Variants in XKR4 observed in about 807,000 individuals in gnomAD.
XKR4 encodes the protein XK-related protein 4.
Under a neutral mutation model 53.9 loss-of-function variants are expected in XKR4, and 12 were observed. The observed-to-expected ratio is 0.22, with a 90% CI of 0.14 to 0.36. The LOEUF (loss-of-function observed/expected upper bound fraction) is 0.36, where lower values mean the gene tolerates loss of function less well. Among genes scored for constraint, XKR4 ranks in the 10% least tolerant of loss-of-function variants. The pLI, the probability that XKR4 is intolerant of heterozygous loss-of-function variation, is 1.00. For missense variants in XKR4, 799 were observed against 859.5 expected (o/e 0.93, Z 0.88); for synonymous variants, 354 against 362.4 (o/e 0.98, Z 0.26).
At chr8:55,374,866 G>C (rs1804124109) in intron 2 of XKR4, among the ~76,000 whole-genome samples, 1 of 152,208 alleles carries the variant, frequency 6.6e-6, no homozygotes, top group African/African-American at 2.4e-5. Context: ...AATAAAACTA[G>C]TGAAGTGGCC....
chr8:55,357,963 T>C, intron 2 of XKR4, 86 bp downstream of exon 2: 1 of 1,369,482 alleles, frequency 7.3e-7, no homozygotes, highest in Non-Finnish European at 1.0e-6. Context: ...CCTAATGCCC[T>C]TTGTTGACAC....
intron 2 of XKR4, among the ~76,000 whole-genome samples, chr8:55,422,033 C>G (rs1804942758): frequency 6.6e-6 from 1 of 152,136 alleles, no homozygotes; most frequent in Admixed American, 6.5e-5. Context: ...AGGCATAAAA[C>G]AAAAGAATAA....
chr8:55,192,700 T>C (rs1214214340), intron 1 of XKR4, among the ~76,000 whole-genome samples: 1 of 152,212 alleles, frequency 6.6e-6, no homozygotes, highest in African/African-American at 2.4e-5. Context: ...GTGATTCCTC[T>C]GTCCATCTTT....
intron 2 of XKR4, among the ~76,000 whole-genome samples, chr8:55,482,428 G>T (rs1171520162): frequency 6.6e-6 from 1 of 152,086 alleles, no homozygotes; most frequent in African/African-American, 2.4e-5. Context: ...GATAGCATTA[G>T]GAGATATACC....
chr8:55,257,619 T>G (rs80231950), intron 1 of XKR4, among the ~76,000 whole-genome samples: 203 of 152,340 alleles, frequency 1.3e-3, no homozygotes, highest in African/African-American at 4.6e-3. Context: ...TAAACTTTTA[T>G]GCAAATATAT....
chr8:55,349,095 T>C (rs1803691571), intron 1 of XKR4, among the ~76,000 whole-genome samples: 1 of 152,242 alleles, frequency 6.6e-6, no homozygotes, highest in Non-Finnish European at 1.5e-5. Context: ...TACTGACATC[T>C]AATATTTACT....
intron 2 of XKR4, among the ~76,000 whole-genome samples, chr8:55,361,663 C>T (rs567618753): frequency 6.6e-6 from 1 of 152,080 alleles, no homozygotes; most frequent in African/African-American, 2.4e-5. Context: ...CTTCAGTGTT[C>T]CCCTTGGCAC....
chr8:55,398,557 A>G (rs1021723606), intron 2 of XKR4, among the ~76,000 whole-genome samples: 2 of 152,164 alleles, frequency 1.3e-5, no homozygotes, highest in African/African-American at 4.8e-5. Context: ...ACGGTGGAGG[A>G]GGGCGTGTTC....
chr8:55,158,873 G>A (rs1006545262), intron 1 of XKR4, among the ~76,000 whole-genome samples: 2 of 152,164 alleles, frequency 1.3e-5, no homozygotes, highest in Admixed American at 1.3e-4. Flanking sequence ...TGCTGTTTTG[G>A]TTACTGTAGC....
At chr8:55,423,571 C>G (rs1804968944) in intron 2 of XKR4, among the ~76,000 whole-genome samples, 1 of 152,190 alleles carries the variant, frequency 6.6e-6, no homozygotes, top group Admixed American at 6.5e-5. Flanking sequence ...ACATCACTTT[C>G]TTTGGGAAGC....
At chr8:55,466,524 T>TC (rs1563358606) in intron 2 of XKR4, among the ~76,000 whole-genome samples, 1 of 152,028 alleles carries the variant, frequency 6.6e-6, no homozygotes, top group Non-Finnish European at 1.5e-5. Context: ...TTAGGTGATA[T>TC]ACCTAATGCT....
intron 1 of XKR4, among the ~76,000 whole-genome samples, chr8:55,206,557 A>AAT (rs1449179103): frequency 1.3e-5 from 2 of 152,240 alleles, no homozygotes; most frequent in Non-Finnish European, 2.9e-5. Context: ...ACATTTATTG[A>AAT]ATATCTGCTC....
chr8:55,497,373 G>A (rs189565660), intron 2 of XKR4, among the ~76,000 whole-genome samples: 25 of 152,194 alleles, frequency 1.6e-4, no homozygotes, highest in Non-Finnish European at 1.9e-4. Flanking sequence ...CATCATAACA[G>A]GCAGCTTATT....
At chr8:55,448,352 T>C (rs1221238548) in intron 2 of XKR4, among the ~76,000 whole-genome samples, 1 of 152,228 alleles carries the variant, frequency 6.6e-6, no homozygotes, top group African/African-American at 2.4e-5. Flanking sequence ...AAAAACACTT[T>C]ATGAAAAACA....
intron 2 of XKR4, among the ~76,000 whole-genome samples, chr8:55,466,781 G>T (rs1388736640): frequency 6.6e-6 from 1 of 152,086 alleles, no homozygotes; most frequent in Non-Finnish European, 1.5e-5. Context: ...GTTTTAGGTT[G>T]TTTCTGGTCT....
chr8:55,325,974 G>A (rs552260152), intron 1 of XKR4, among the ~76,000 whole-genome samples: 71 of 152,312 alleles, frequency 4.7e-4, no homozygotes, highest in African/African-American at 1.7e-3. Context: ...GCATAAATGT[G>A]CCAGGGTTTA....
At chr8:55,105,325 T>C (rs1585880413) in intron 1 of XKR4, among the ~76,000 whole-genome samples, 1 of 131,480 alleles carries the variant, frequency 7.6e-6, no homozygotes, top group Middle Eastern at 4.7e-3. Context: ...GGCCAACTTA[T>C]CATACAGAAA....
At chr8:55,351,649 C>A (rs2129383663) in intron 1 of XKR4, among the ~76,000 whole-genome samples, 1 of 152,358 alleles carries the variant, frequency 6.6e-6, no homozygotes, top group South Asian at 2.1e-4. Flanking sequence ...TCACTCCCTG[C>A]AAACACTGTC....
intron 1 of XKR4, among the ~76,000 whole-genome samples, chr8:55,315,055 A>C (rs1445921448): frequency 6.6e-6 from 1 of 152,248 alleles, no homozygotes; most frequent in African/African-American, 2.4e-5. Context: ...CTTTAAAACT[A>C]TACATGCATT....
Sources: allele counts gnomAD v4.1 joint callset (sites outside exome capture counted in the v4.1 genomes callset), GRCh38; gene constraint gnomAD v4.1.1; transcripts MANE v1.5; gene names NCBI Gene and HGNC (gene_info 2026-07-23, HGNC 2026-07-21).